Variants in NAALADL2 observed in about 807,000 individuals in gnomAD.
The protein encoded by NAALADL2 is inactive N-acetylated-alpha-linked acidic dipeptidase-like protein 2.
Under a neutral mutation model 87.2 loss-of-function variants are expected in NAALADL2, and 76 were observed. That is an observed-to-expected ratio of 0.87 (90% CI 0.72 to 1.05). The LOEUF (loss-of-function observed/expected upper bound fraction) is 1.05. Ranked by LOEUF, NAALADL2 falls within the 50% of genes least tolerant of loss-of-function variation. The probability of loss-of-function intolerance (pLI) is 0.00; values close to 1 mark genes in which losing one functional copy is unlikely to be tolerated. For missense variants in NAALADL2, 1,089 were observed against 945.8 expected (o/e 1.15, Z -1.99); for synonymous variants, 354 against 331.0 (o/e 1.07, Z -0.75).
At chr3:174,572,127 CTTCT>C (rs895904130) in intron 2 of NAALADL2, among the ~76,000 whole-genome samples, 3 of 151,970 alleles carry the variant, frequency 2.0e-5, no homozygotes, top group Non-Finnish European at 2.9e-5. Context: ...CTTCTTCCTT[CTTCT>C]TTCTTCTTAG....
chr3:174,502,646 G>C (rs762755540), intron 1 of NAALADL2, among the ~76,000 whole-genome samples: 7 of 152,006 alleles, frequency 4.6e-5, no homozygotes, highest in Non-Finnish European at 8.8e-5. Context: ...TGTTAATAGG[G>C]GAGAGTAATA....
At chr3:174,862,677 A>G (rs1213545936) in intron 1 of NAALADL2, among the ~76,000 whole-genome samples, 1 of 152,108 alleles carries the variant, frequency 6.6e-6, no homozygotes, top group Non-Finnish European at 1.5e-5. Context: ...AATATGATAT[A>G]CTAATTGGCC....
chr3:175,713,737 A>AT lies in NAALADL2; in HGVS notation c.1897-23561dup, dbSNP rs552658474. Among the ~76,000 whole-genome samples the AT allele has an allele frequency of 5.7e-4, 86 of 151,586 alleles. 1 individual carries two copies. Among genetic ancestry groups the AT allele is most frequent in the Middle Eastern group, 6.8e-3 (2 of 294 alleles). On this transcript the variant is annotated intron_variant, in intron 11 of 13. Transcript: ENST00000454872. The stretch of plus-strand genomic sequence containing the variant: ...CTTACCACCCCAAATGCAAAGCCTC[A>AT]TTTTTTTTAATACTTTAAGTTCTGG...
At chr3:175,398,897 AG>A (rs1770185912) in intron 5 of NAALADL2, among the ~76,000 whole-genome samples, 1 of 152,020 alleles carries the variant, frequency 6.6e-6, no homozygotes. Flanking sequence ...GAAAGAATTA[AG>A]GGTGAGTCAA....
At chr3:175,124,542 C>A (rs1033899697) in intron 2 of NAALADL2, 2 of 151,958 alleles carry the variant, frequency 1.3e-5, no homozygotes, top group African/African-American at 2.4e-5. Flanking sequence ...TTTCAACAGG[C>A]TTTCATTTTA....
At chr3:174,573,159 TC>T (rs925979852) in intron 2 of NAALADL2, among the ~76,000 whole-genome samples, 3 of 152,212 alleles carry the variant, frequency 2.0e-5, no homozygotes, top group African/African-American at 7.2e-5. Context: ...TATTTTATAC[TC>T]CCTTAACATG....
intron 1 of NAALADL2, among the ~76,000 whole-genome samples, chr3:174,523,864 A>C (rs1720492256): frequency 6.6e-6 from 1 of 152,210 alleles, no homozygotes; most frequent in African/African-American, 2.4e-5. Flanking sequence ...ATATGGTTGT[A>C]TAACATTATT....
At chr3:175,107,799 T>C (rs572012226) in intron 2 of NAALADL2, among the ~76,000 whole-genome samples, 1 of 151,848 alleles carries the variant, frequency 6.6e-6, no homozygotes, top group African/African-American at 2.4e-5. Flanking sequence ...TATGAAAGCA[T>C]AGAATTTGAA....
intron 1 of NAALADL2, among the ~76,000 whole-genome samples, chr3:175,063,891 T>G (rs1263498577): frequency 1.3e-5 from 2 of 152,202 alleles, no homozygotes; most frequent in Non-Finnish European, 2.9e-5. Flanking sequence ...AATCAGTTGT[T>G]TAATTTTTAA....
intron 3 of NAALADL2, among the ~76,000 whole-genome samples, chr3:174,817,028 C>G (rs1011881322): frequency 6.6e-6 from 1 of 152,162 alleles, no homozygotes; most frequent in African/African-American, 2.4e-5. Context: ...CTACAACAGG[C>G]AGGAACTTAA....
intron 1 of NAALADL2, among the ~76,000 whole-genome samples, chr3:174,443,732 G>T (rs371463549): frequency 1.3e-5 from 2 of 152,182 alleles, no homozygotes; most frequent in Non-Finnish European, 2.9e-5. Flanking sequence ...AGCATTATGA[G>T]ATGAGGAGAA....
rs770428445 is a variant in NAALADL2 at position 174,534,096 on chromosome 3, AATT to A, written c.-183-16471_-183-16469del. 2.0e-5 allele frequency among the ~76,000 whole-genome samples: 3 copies of A among 152,174 alleles called. No homozygotes were observed. The East Asian group carries it at 5.8e-4, about 29-fold the overall frequency. On this transcript the variant is annotated intron_variant, in intron 1 of 3. Transcript: ENST00000434257. ...TTATGTGTATATAAAAATTGGAACA[AATT>A]AGTACTTACAAAAAAGTATTTAAAG...
At chr3:175,639,771 A>T (rs1729050309) in intron 11 of NAALADL2, among the ~76,000 whole-genome samples, 1 of 152,146 alleles carries the variant, frequency 6.6e-6, no homozygotes, top group South Asian at 2.1e-4. Context: ...GAATAGGAAC[A>T]TTTTCTACGG....
chr3:174,488,781 C>A (rs546406194), intron 1 of NAALADL2, among the ~76,000 whole-genome samples: 1 of 151,876 alleles, frequency 6.6e-6, no homozygotes, highest in African/African-American at 2.4e-5. Context: ...ACTAAATAAG[C>A]GGTTCTCATA....
chr3:175,513,303 T>G (rs571298397), intron 9 of NAALADL2, among the ~76,000 whole-genome samples: 4 of 152,282 alleles, frequency 2.6e-5, no homozygotes, highest in Non-Finnish European at 5.9e-5. Flanking sequence ...GATTTTAAAG[T>G]TTAAATTTAA....
intron 1 of NAALADL2, among the ~76,000 whole-genome samples, chr3:174,938,015 G>GT (rs574012810): frequency 6.8e-4 from 103 of 152,016 alleles, no homozygotes; most frequent in African/African-American, 2.3e-3. Flanking sequence ...ATATCCCCTA[G>GT]TTTTTTTGCT....
At chr3:175,220,112 A>G (rs1232715351) in intron 2 of NAALADL2, among the ~76,000 whole-genome samples, 2 of 151,300 alleles carry the variant, frequency 1.3e-5, no homozygotes, top group Non-Finnish European at 3.0e-5. Context: ...GTCTTTTTAT[A>G]TAAATACAAT....
chr3:175,696,528 C>CT (rs911279744), intron 11 of NAALADL2, among the ~76,000 whole-genome samples: 6 of 151,728 alleles, frequency 4.0e-5, no homozygotes, highest in Non-Finnish European at 5.9e-5. Context: ...GATGCAAACA[C>CT]TTTTTTTTCA....
intron 1 of NAALADL2, among the ~76,000 whole-genome samples, chr3:174,950,051 G>A (rs538738253): frequency 4.6e-5 from 7 of 152,196 alleles, no homozygotes; most frequent in African/African-American, 1.7e-4. Flanking sequence ...GGTTTGCTAA[G>A]TATTGGTTTC....
Sources: gnomAD v4.1 joint callset for allele counts (sites outside exome capture counted in the v4.1 genomes callset) on GRCh38, gnomAD v4.1.1 for gene constraint, MANE v1.5 for transcripts, NCBI Gene and HGNC (gene_info 2026-07-23, HGNC 2026-07-21) for gene names.